KYNU: variants seen among roughly 807,000 people sequenced by gnomAD.
KYNU encodes the protein L-kynurenine hydrolase.
Under a neutral mutation model 59.2 loss-of-function variants are expected in KYNU, and 54 were observed. The ratio of observed to expected loss-of-function variants is 0.91; its 90% confidence interval spans 0.73 to 1.14. The LOEUF (loss-of-function observed/expected upper bound fraction) is 1.14, where lower values mean the gene tolerates loss of function less well. KYNU is among the 50% of genes most tolerant of loss of function. KYNU has a pLI of 0.00. For missense variants in KYNU, 567 were observed against 554.4 expected (o/e 1.02, Z -0.23); for synonymous variants, 177 against 192.0 (o/e 0.92, Z 0.65).
At chr2:142,950,035 C>T (rs1437186357) in intron 4 of KYNU, among the ~76,000 whole-genome samples, 1 of 152,166 alleles carries the variant, frequency 6.6e-6, no homozygotes, top group African/African-American at 2.4e-5. Context: ...GGCAGAATGT[C>T]GCCAGTCTCT....
rs896065119 is a variant in KYNU, at chr2:143,048,490, C to T, written c.*6318C>T. Reference sequence around the variant, plus strand: ...TCTCTCTCTCTCTCTGTCTCTCTCTCTCTCACTAATGTTTGCTATTTCTCC... The same window carrying T: ...TCTCTCTCTCTCTCTGTCTCTCTCTTTCTCACTAATGTTTGCTATTTCTCC... On this transcript the variant is annotated 3_prime_UTR_variant, in exon 14 of 14. Transcript: ENST00000264170. The T allele has an allele frequency of 1.3e-5, 2 of 152,062 alleles. No individual in the cohort carries two copies. The highest frequency in any genetic ancestry group is 4.8e-5 in the African/African-American group (2 of 41,394). 9.4% of individuals were successfully genotyped at this position (152,062 alleles called of 1,614,324 possible).
intron 4 of KYNU, among the ~76,000 whole-genome samples, chr2:142,943,630 A>G (rs1683675412): frequency 6.6e-6 from 1 of 152,228 alleles, no homozygotes; most frequent in African/African-American, 2.4e-5. Context: ...CTCCCTGGAT[A>G]GATAAAAATC....
rs1429566556 is a variant in KYNU at position 143,033,390 on chromosome 2, A to G, written c.1041+69A>G. The G allele has an allele frequency of 9.1e-7, 1 of 1,093,164 alleles. No individual in the cohort carries two copies. The highest frequency in any genetic ancestry group is 1.4e-6 in the Non-Finnish European group (1 of 704,308). The allele number at this position is 1,093,164 out of a possible 1,614,324, so 67.7% of individuals were successfully genotyped here. On this transcript the variant is annotated intron_variant, in intron 12 of 13. Transcript: ENST00000264170. ...TCTTGATCTGTTTGTGACAATTCAT[A>G]GTACTTTCTCTGCTACACAGCAAGA...
At position 143,042,810 on chromosome 2, in the gene KYNU, C is replaced by T. The variant is rs1214619713; in HGVS notation, c.*638C>T. ...AAGATATTTTATCATATTTTAACAT[C>T]TTTGAAAGAGGACCCATCTTTCAAT... On this transcript the variant is annotated 3_prime_UTR_variant, in exon 14 of 14. Transcript: ENST00000264170. The T allele has an allele frequency of 6.6e-6, 1 of 151,430 alleles. No homozygotes were observed. The highest frequency in any genetic ancestry group is 1.5e-5 in the Non-Finnish European group (1 of 67,802). 9.4% of individuals were successfully genotyped at this position (151,430 alleles called of 1,614,324 possible).
At chr2:143,013,324 C>A (rs1686167512) in intron 10 of KYNU, among the ~76,000 whole-genome samples, 1 of 114,880 alleles carries the variant, frequency 8.7e-6, no homozygotes, top group African/African-American at 3.8e-5. Context: ...GTGTGTCCAT[C>A]ATATTTTCTT....
chr2:142,953,636 A>T (rs535323444), intron 4 of KYNU, among the ~76,000 whole-genome samples: 1 of 152,312 alleles, frequency 6.6e-6, no homozygotes, highest in African/African-American at 2.4e-5. Flanking sequence ...ATATACAGTG[A>T]GATTTTTCTT....
rs569497489 is a variant in KYNU at position 142,903,644 on chromosome 2, C to T, written c.170-14965C>T. 2.6e-5 allele frequency among the ~76,000 whole-genome samples: 4 copies of T among 152,146 alleles called. No individual in the cohort carries two copies. In the East Asian group the frequency reaches 7.8e-4, roughly 30 times the overall value. ...CCTGGCCCTCAATGGTTAAGCATAC[C>T]CGGGGCTCTGTGAGGGTGATGGCAT... On this transcript the variant is annotated intron_variant, in intron 2 of 13. Coordinates refer to ENST00000264170, the MANE Select transcript of KYNU (RefSeq NM_003937.3).
intron 8 of KYNU, 104 bp from the exon 9 acceptor site, chr2:142,984,980 A>G (rs1685156363): frequency 2.6e-6 from 2 of 776,836 alleles, no homozygotes; most frequent in South Asian, 1.4e-5. Flanking sequence ...AGCAAACCAT[A>G]ATTTATGGTA....
intron 3 of KYNU, among the ~76,000 whole-genome samples, chr2:142,920,373 A>G (rs904440265): frequency 2.0e-5 from 3 of 152,244 alleles, no homozygotes; most frequent in African/African-American, 7.2e-5. Context: ...GCAGATAATT[A>G]GATTGAATGA....
intron 2 of KYNU, among the ~76,000 whole-genome samples, chr2:142,894,737 G>T (rs577900639): frequency 1.3e-5 from 2 of 152,170 alleles, no homozygotes; most frequent in African/African-American, 4.8e-5. Context: ...TCCATATATA[G>T]AGAGAGATGG....
At position 142,927,758 on chromosome 2, in the gene KYNU, G is replaced by C. The variant is rs567975901; in HGVS notation, c.373+17G>C. The C allele has an allele frequency of 6.5e-7, 1 of 1,535,516 alleles. No homozygotes were observed. The highest frequency in any genetic ancestry group is 1.7e-5 in the Admixed American group (1 of 59,888). ...ACATTGTAGGTAAGTACAAAACACT[G>C]AAGTTTTTCCAAATGAATTGTAAAG... is the stretch of plus-strand genomic sequence containing the variant. On this transcript the variant is annotated intron_variant, in intron 4 of 13. Transcript: ENST00000264170.
intron 2 of KYNU, among the ~76,000 whole-genome samples, chr2:142,888,415 A>C (rs959300108): frequency 1.3e-5 from 2 of 152,172 alleles, no homozygotes; most frequent in Non-Finnish European, 2.9e-5. Flanking sequence ...CCATGATCAC[A>C]CCACTGAACT....
intron 10 of KYNU, among the ~76,000 whole-genome samples, chr2:143,010,598 C>T (rs1489637581): frequency 7.1e-6 from 1 of 140,314 alleles, no homozygotes; most frequent in Non-Finnish European, 1.5e-5. Context: ...GAGCCTGCAT[C>T]ACCAAGTCAA....
chr2:142,905,850 C>A (rs1032006267), intron 2 of KYNU, among the ~76,000 whole-genome samples: 1 of 152,148 alleles, frequency 6.6e-6, no homozygotes, highest in African/African-American at 2.4e-5. Context: ...ACACTGACAA[C>A]AAGGTAGTAT....
chr2:142,933,654 C>T (rs1013095260), intron 4 of KYNU, among the ~76,000 whole-genome samples: 7 of 152,152 alleles, frequency 4.6e-5, no homozygotes, highest in South Asian at 2.1e-4. Context: ...CTAATACCCT[C>T]GTTTTGTCAA....
chr2:143,031,630 G>A (rs568623402), intron 11 of KYNU, among the ~76,000 whole-genome samples: 3 of 152,002 alleles, frequency 2.0e-5, no homozygotes, highest in Non-Finnish European at 4.4e-5. Context: ...AGCCTGAGGC[G>A]GGAAGATCAC....
intron 4 of KYNU, among the ~76,000 whole-genome samples, chr2:142,934,834 C>T (rs757515022): frequency 8.5e-4 from 129 of 152,296 alleles, no homozygotes; most frequent in Non-Finnish European, 7.8e-4. Context: ...GGTCCGCTGA[C>T]AGTCCAACCT....
rs954643539 is a variant in KYNU, at chr2:143,043,765, T to A, written c.*1593T>A. On this transcript the variant is annotated 3_prime_UTR_variant, in exon 14 of 14. Transcript: ENST00000264170. ...ATATATACTTTATATATATTTATAT[T>A]TATATATTTATATATTTATATTTTA... 6 of 103,090 alleles carry A rather than the reference T, an allele frequency of 5.8e-5. No homozygotes were observed. The highest frequency in any genetic ancestry group is 6.8e-5 in the African/African-American group (2 of 29,524). 6.4% of individuals were successfully genotyped at this position (103,090 alleles called of 1,614,324 possible).
intron 4 of KYNU, among the ~76,000 whole-genome samples, chr2:142,946,781 G>A (rs111282435): frequency 3.3e-4 from 50 of 152,258 alleles, no homozygotes; most frequent in African/African-American, 1.2e-3. Context: ...GTCCCTTGAA[G>A]GTTTGTAGCT....
Sources: allele counts gnomAD v4.1 joint callset (sites outside exome capture counted in the v4.1 genomes callset), GRCh38; gene constraint gnomAD v4.1.1; transcripts MANE v1.5; gene names NCBI Gene and HGNC (gene_info 2026-07-23, HGNC 2026-07-21).